TNFSF9: variants seen among roughly 807,000 people sequenced by gnomAD.
TNFSF9 encodes the protein tumor necrosis factor ligand superfamily member 9.
A neutral mutation model predicts 10.3 loss-of-function variants in TNFSF9; 10 were observed. The observed-to-expected ratio is 0.97, with a 90% CI of 0.60 to 1.65. TNFSF9 has a LOEUF of 1.65. Among genes scored for constraint, TNFSF9 ranks in the 40% most tolerant of loss-of-function variants. TNFSF9 has a pLI of 0.00. For synonymous variants in TNFSF9, 195 were observed against 176.1 expected (o/e 1.11, Z -0.85); for missense variants, 361 against 348.9 (o/e 1.03, Z -0.28).
At chr19:6,532,619 T>TTG (rs146976620) in intron 1 of TNFSF9, among the ~76,000 whole-genome samples, 167 bp from the exon 2 acceptor site, 35 of 147,652 alleles carry the variant, frequency 2.4e-4, no homozygotes, top group East Asian at 6.1e-4. Flanking sequence ...GTTTGTGTGT[T>TTG]TGTGTGTGTG....
In TNFSF9 at chr19:6,534,834, C is replaced by T. The variant is rs1194090356; in HGVS notation, c.533C>T (p.Ala178Val). ...QPLRSAAGAA[A>V]LALTVDLPPA... ...CTGCGCTCTGCTGCTGGGGCCGCCG[C>T]CCTGGCTTTGACCGTGGACCTGCCA... The change falls in exon 3 of 3, where the codon GCC becomes GTC. Residue 178 changes from alanine to valine, a missense_variant. Transcript: ENST00000245817. 2.5e-6 allele frequency: 4 copies of T among 1,606,254 alleles called. No individual in the cohort carries two copies. The East Asian group carries it at 8.9e-5, about 36-fold the overall frequency.
At chr19:6,531,542 C>T (rs941631734) in intron 1 of TNFSF9, among the ~76,000 whole-genome samples, 3 of 151,682 alleles carry the variant, frequency 2.0e-5, no homozygotes, top group Admixed American at 6.6e-5. Flanking sequence ...GAGGAGACCG[C>T]CCAACAGTTC....
Position 6,535,024 on chromosome 19 carries a change from C to T in TNFSF9, c.723C>T (p.Thr241=), listed in dbSNP as rs906376853. 2.5e-5 allele frequency: 39 copies of T among 1,586,214 alleles called. No homozygotes were observed. The highest frequency in any genetic ancestry group is 3.3e-5 in the Non-Finnish European group (39 of 1,164,748). The part of the protein sequence containing the change: ...GATVLGLFRV[T]PEIPAGLPSP... ...CAGTCTTGGGACTCTTCCGGGTGACCCCCGAAATCCCAGCCGGACTCCCTT... is the reference window on the plus strand; with the variant it reads ...CAGTCTTGGGACTCTTCCGGGTGACTCCCGAAATCCCAGCCGGACTCCCTT... Residue 241 remains threonine (T), a synonymous_variant, in exon 3 of 3, where the codon ACC becomes ACT. Coordinates refer to ENST00000245817, the MANE Select transcript of TNFSF9 (RefSeq NM_003811.4).
At position 6,531,277 on chromosome 19, in the gene TNFSF9, C is replaced by A; in HGVS notation, c.241C>A (p.Pro81Thr). 2 of 1,507,494 alleles carry A rather than the reference C, an allele frequency of 1.3e-6. No homozygotes were observed. Among genetic ancestry groups the A allele is most frequent in the African/African-American group, 1.5e-5 (1 of 68,840 alleles). The allele number at this position is 1,507,494 out of a possible 1,614,324, so 93.4% of individuals were successfully genotyped here. A position where few individuals can be genotyped will look rare whatever the true frequency, so the allele number is the denominator to read the frequency against. ...REGPELSPDD[P>T]AGLLDLRQGM... ...GGGTCCCGAGCTTTCGCCCGACGAT[C>A]CCGCCGGCCTCTTGGACCTGCGGCA... The change falls in exon 1 of 3, where the codon CCC (proline) becomes ACC (threonine). Residue 81 changes from proline (P) to threonine (T), a missense_variant. Transcript: ENST00000245817.
chr19:6,532,349 G>T (rs1430460836), intron 1 of TNFSF9, among the ~76,000 whole-genome samples: 6 of 150,054 alleles, frequency 4.0e-5, no homozygotes, highest in Admixed American at 4.0e-4. Flanking sequence ...GTGTGGGGGT[G>T]CGTATGTGTG....
At position 6,534,847 on chromosome 19, in the gene TNFSF9, C is replaced by G; in HGVS notation, c.546C>G (p.Thr182=). 2 of 1,606,612 alleles carry G rather than the reference C, an allele frequency of 1.2e-6. No homozygotes were observed. Among genetic ancestry groups the G allele is most frequent in the Non-Finnish European group, 1.7e-6 (2 of 1,178,442 alleles). The change falls in exon 3 of 3, where the codon ACC becomes ACG. Residue 182 remains threonine, a synonymous_variant. Transcript: ENST00000245817. The stretch of plus-strand genomic sequence containing the variant: ...CTGGGGCCGCCGCCCTGGCTTTGAC[C>G]GTGGACCTGCCACCCGCCTCCTCCG... ...SAAGAAALAL[T]VDLPPASSEA...
At chr19:6,531,710 G>A (rs72987334) in intron 1 of TNFSF9, among the ~76,000 whole-genome samples, 2,955 of 152,126 alleles carry the variant, frequency 0.019, 34 homozygotes, top group Non-Finnish European at 0.032. Context: ...GTCTTGCACG[G>A]GAGGGCACCC....
chr19:6,532,605 G>A, intron 1 of TNFSF9, among the ~76,000 whole-genome samples, 181 bp from the exon 2 acceptor site: 1 of 150,620 alleles, frequency 6.6e-6, no homozygotes, highest in East Asian at 1.9e-4. Flanking sequence ...GTTTGTGTTC[G>A]TGTGTTTGTG....
At chr19:6,532,503 TTGTG>T (rs939690095) in intron 1 of TNFSF9, among the ~76,000 whole-genome samples, 4 of 143,860 alleles carry the variant, frequency 2.8e-5, no homozygotes, top group Non-Finnish European at 4.6e-5. Context: ...GTGTGGGTGT[TTGTG>T]TGTGTTTGTG....
Position 6,534,923 on chromosome 19 carries a change from G to C in TNFSF9, c.622G>C (p.Ala208Pro), listed in dbSNP as rs767167219. The change falls in exon 3 of 3, where the codon GCC (alanine) becomes CCC (proline). Residue 208 changes from alanine (A) to proline (P), a missense_variant. Ala to Pro is a conservative substitution (Grantham distance 27). Transcript: ENST00000245817. Reference protein sequence around the residue: ...GFQGRLLHLSAGQRLGVHLHT... With the variant: ...GFQGRLLHLSPGQRLGVHLHT... ...CCAGGGCCGCTTGCTGCACCTGAGT[G>C]CCGGCCAGCGCCTGGGCGTCCATCT... 1.9e-6 allele frequency: 3 copies of C among 1,609,634 alleles called. No individual in the cohort carries two copies.
In TNFSF9 at chr19:6,534,610, C is replaced by T. The variant is rs544328145; in HGVS notation, c.309C>T (p.Ile103=). The change falls in exon 3 of 3, where the codon ATC becomes ATT. Residue 103 remains isoleucine (I), a synonymous_variant. Transcript: ENST00000245817. ...AQLVAQNVLL[I]DGPLSWYSDP... ...GCTTTCCTCCCACAGTTCTGCTGAT[C>T]GATGGGCCCCTGAGCTGGTACAGTG... 27 of 1,570,564 alleles carry T rather than the reference C, an allele frequency of 1.7e-5. No homozygotes were observed. The highest frequency in any genetic ancestry group is 1.7e-4 in the Middle Eastern group (1 of 5,980).
rs755335353 is a variant in TNFSF9 at position 6,531,059 on chromosome 19, C to T, written c.23C>T (p.Ser8Leu). 13 of 1,611,278 alleles carry T rather than the reference C, an allele frequency of 8.1e-6. No homozygotes were observed. Among genetic ancestry groups the T allele is most frequent in the Non-Finnish European group, 1.1e-5 (13 of 1,179,152 alleles). MEYASDA[S>L]LDPEAPWPPA... ...GTCATGGAATACGCCTCTGACGCTT[C>T]ACTGGACCCCGAAGCCCCGTGGCCT... Residue 8 changes from serine to leucine, a missense_variant, in exon 1 of 3, where the codon TCA becomes TTA. Coordinates refer to ENST00000245817, the MANE Select transcript of TNFSF9 (RefSeq NM_003811.4).
At chr19:6,533,942 T>TG (rs1915208201) in intron 2 of TNFSF9, among the ~76,000 whole-genome samples, 1 of 101,234 alleles carries the variant, frequency 9.9e-6, no homozygotes, top group Non-Finnish European at 2.0e-5. Context: ...AGGTCCCCTG[T>TG]CCACCCCTCT....
intron 1 of TNFSF9, among the ~76,000 whole-genome samples, chr19:6,531,629 A>G (rs535125679): frequency 3.0e-4 from 45 of 151,178 alleles, no homozygotes; most frequent in African/African-American, 8.0e-4. Flanking sequence ...ACGAGACCCT[A>G]TCTGTATCCC....
chr19:6,531,382 G>C, intron 1 of TNFSF9, 79 bp downstream of exon 1: 1 of 1,373,166 alleles, frequency 7.3e-7, no homozygotes. Flanking sequence ...TCTCCCTCCC[G>C]CACCCCCAGG....
intron 1 of TNFSF9, 78 bp downstream of exon 1, chr19:6,531,381 C>T (rs948144788): frequency 3.6e-6 from 5 of 1,374,932 alleles, no homozygotes; most frequent in Admixed American, 7.6e-5. Flanking sequence ...TTCTCCCTCC[C>T]GCACCCCCAG....
At chr19:6,532,901 G>T in intron 2 of TNFSF9, 85 bp downstream of exon 2, 6 of 1,587,478 alleles carry the variant, frequency 3.8e-6, no homozygotes, top group Non-Finnish European at 5.2e-6. Context: ...GGAGAGTGAG[G>T]CTCTGCCGCA....
At chr19:6,532,874 C>T (rs1599429050) in intron 2 of TNFSF9, 58 bp downstream of exon 2, 2 of 1,609,696 alleles carry the variant, frequency 1.2e-6, no homozygotes, top group African/African-American at 1.3e-5. Flanking sequence ...CCCCGGGATA[C>T]GAAGAAGGGG....
intron 2 of TNFSF9, among the ~76,000 whole-genome samples, chr19:6,534,345 C>T (rs893354124): frequency 5.3e-5 from 8 of 151,256 alleles, no homozygotes; most frequent in African/African-American, 1.9e-4. Context: ...GTCTTTCCCT[C>T]CCCTAGCTCT....
Sources: gnomAD v4.1 joint callset for allele counts (sites outside exome capture counted in the v4.1 genomes callset) on GRCh38, gnomAD v4.1.1 for gene constraint, MANE v1.5 for transcripts, NCBI Gene and HGNC (gene_info 2026-07-23, HGNC 2026-07-21) for gene names.